The following CDH4 variants were observed in gnomAD, a reference collection of about 807,000 sequenced individuals.
CDH4 encodes the protein cadherin 4.
CDH4 carries 33 observed loss-of-function variants against 86.0 expected under a neutral mutation model. That is an observed-to-expected ratio of 0.38 (90% CI 0.29 to 0.51). The LOEUF (loss-of-function observed/expected upper bound fraction) is 0.51, where lower values mean the gene tolerates loss of function less well. CDH4 is among the 20% of genes least tolerant of loss of function. The pLI, the probability that CDH4 is intolerant of heterozygous loss-of-function variation, is 0.86. For missense variants in CDH4, 1,114 were observed against 1,307.4 expected (o/e 0.85, Z 2.28); for synonymous variants, 555 against 549.4 (o/e 1.01, Z -0.14).
At chr20:61,454,997 C>T (rs2427110) in intron 2 of CDH4, among the ~76,000 whole-genome samples, 34,383 of 152,090 alleles carry the variant, frequency 0.23, 4,889 homozygotes, top group Admixed American at 0.36. Context: ...CCATAAAATT[C>T]ACCTTTTTAA....
intron 2 of CDH4, chr20:61,370,118 T>TG (rs1293434241): frequency 6.6e-6 from 1 of 152,470 alleles, no homozygotes; most frequent in African/African-American, 2.4e-5. Flanking sequence ...TGACTGGGGT[T>TG]GGGGGAAGGG....
In CDH4 at chr20:61,566,190, C is replaced by T. The variant is rs146776973; in HGVS notation, c.170-177373C>T. Among the ~76,000 whole-genome samples, 142 of 152,308 alleles carry T rather than the reference C, an allele frequency of 9.3e-4. 1 individual carries two copies. The East Asian group carries it at 0.017, about 18-fold the overall frequency. ...TGGTCCCAGGGCTTCCTGCCCTTGC[C>T]GGGCCCATGTGGCTGACTCCTCCGC... On this transcript the variant is annotated intron_variant, in intron 2 of 15. Transcript: ENST00000614565.
chr20:61,565,776 C>T (rs1011514457), intron 2 of CDH4, among the ~76,000 whole-genome samples: 8 of 152,182 alleles, frequency 5.3e-5, no homozygotes, highest in Admixed American at 1.3e-4. Flanking sequence ...CCTCCTTCCA[C>T]GTAGGGAACA....
chr20:61,546,033 T>TCA (rs146317117), intron 2 of CDH4, among the ~76,000 whole-genome samples: 1 of 1,194 alleles, frequency 8.4e-4, no homozygotes, highest in Admixed American at 0.01. Context: ...CGGTGTGTGT[T>TCA]CGTGTGTGTG....
intron 2 of CDH4, among the ~76,000 whole-genome samples, chr20:61,569,871 G>C (rs2086329163): frequency 6.6e-6 from 1 of 152,140 alleles, no homozygotes; most frequent in South Asian, 2.1e-4. Context: ...TTTAGGCGCG[G>C]CTGATGTTTC....
At chr20:61,596,644 T>A (rs2086559421) in intron 2 of CDH4, among the ~76,000 whole-genome samples, 1 of 152,190 alleles carries the variant, frequency 6.6e-6, no homozygotes, top group Admixed American at 6.5e-5. Flanking sequence ...GAACACCAGC[T>A]CTGGTCTGGG....
intron 15 of CDH4, 25 bp from the exon 16 acceptor site, chr20:61,936,712 C>T: frequency 1.3e-6 from 2 of 1,508,828 alleles, no homozygotes; most frequent in Non-Finnish European, 1.8e-6. Flanking sequence ...GTCCTGCACC[C>T]TAACTCTGTG....
intron 2 of CDH4, among the ~76,000 whole-genome samples, chr20:61,635,934 G>C (rs144299090): frequency 0.013 from 2,054 of 152,310 alleles, 56 homozygotes; most frequent in African/African-American, 0.047. Flanking sequence ...GCTTCCCGCA[G>C]TCTTCCAGGG....
chr20:61,504,084 T>TG (rs2085723329), intron 2 of CDH4, among the ~76,000 whole-genome samples: 1 of 152,190 alleles, frequency 6.6e-6, no homozygotes, highest in African/African-American at 2.4e-5. Flanking sequence ...ACGCCTGTCT[T>TG]GGGAACAAGG....
At chr20:61,664,648 G>T (rs1431098128) in intron 2 of CDH4, among the ~76,000 whole-genome samples, 1 of 152,244 alleles carries the variant, frequency 6.6e-6, no homozygotes, top group Non-Finnish European at 1.5e-5. Flanking sequence ...AGATGCTTGT[G>T]TTCAGAGATA....
chr20:61,483,510 A>T (rs1224953322), intron 2 of CDH4, among the ~76,000 whole-genome samples: 1 of 152,154 alleles, frequency 6.6e-6, no homozygotes, highest in East Asian at 1.9e-4. Flanking sequence ...CTTCTCAGGG[A>T]TGGGCTTGGC....
intron 2 of CDH4, among the ~76,000 whole-genome samples, chr20:61,396,643 C>T (rs1438782565): frequency 6.6e-6 from 1 of 152,196 alleles, no homozygotes; most frequent in Non-Finnish European, 1.5e-5. Context: ...GGCAACTCCA[C>T]TTGCTGTGCA....
chr20:61,345,702 A>G (rs1409605289), intron 2 of CDH4, among the ~76,000 whole-genome samples: 1 of 152,180 alleles, frequency 6.6e-6, no homozygotes, highest in African/African-American at 2.4e-5. Flanking sequence ...TCACCCCTGC[A>G]CTGAGATCCT....
intron 2 of CDH4, among the ~76,000 whole-genome samples, chr20:61,629,266 C>T (rs1306004046): frequency 2.0e-5 from 3 of 152,150 alleles, no homozygotes; most frequent in Non-Finnish European, 2.9e-5. Flanking sequence ...CAGCCCAGCC[C>T]CCCAGCCGGA....
At chr20:61,856,844 G>A (rs1021564874) in intron 6 of CDH4, among the ~76,000 whole-genome samples, 13 of 152,220 alleles carry the variant, frequency 8.5e-5, no homozygotes, top group East Asian at 1.9e-4. Context: ...GGGGCTCCCC[G>A]AGCAAGGGGA....
At chr20:61,846,747 C>T (rs1319430759) in intron 5 of CDH4, among the ~76,000 whole-genome samples, 2 of 152,170 alleles carry the variant, frequency 1.3e-5, no homozygotes, top group Non-Finnish European at 2.9e-5. Flanking sequence ...ATTCCTGACA[C>T]GTGTTTCTGT....
At chr20:61,932,530 G>C (rs999363412) in intron 13 of CDH4, among the ~76,000 whole-genome samples, 8 of 151,702 alleles carry the variant, frequency 5.3e-5, no homozygotes, top group African/African-American at 1.9e-4. Context: ...TGCACACACA[G>C]ACCTGTGCAG....
chr20:61,912,225 C>T (rs1021833655), intron 9 of CDH4, among the ~76,000 whole-genome samples: 2 of 152,146 alleles, frequency 1.3e-5, no homozygotes, highest in South Asian at 2.1e-4. Flanking sequence ...AGTCACATGG[C>T]CATTCTTAGC....
At chr20:61,904,250 A>G (rs1355086666) in intron 8 of CDH4, among the ~76,000 whole-genome samples, 1 of 152,178 alleles carries the variant, frequency 6.6e-6, no homozygotes, top group East Asian at 1.9e-4. Context: ...CAGGCGTGCC[A>G]GGGGCTGCGG....
Sources: gnomAD v4.1 joint callset for allele counts (sites outside exome capture counted in the v4.1 genomes callset) on GRCh38, gnomAD v4.1.1 for gene constraint, MANE v1.5 for transcripts, NCBI Gene and HGNC (gene_info 2026-07-23, HGNC 2026-07-21) for gene names.